Variants in ADAM10 observed in about 807,000 individuals in gnomAD.
ADAM10 encodes disintegrin and metalloproteinase domain-containing protein 10.
A neutral mutation model predicts 90.1 loss-of-function variants in ADAM10; 17 were observed. The observed-to-expected ratio is 0.19, with a 90% CI of 0.13 to 0.28. The LOEUF (loss-of-function observed/expected upper bound fraction) is 0.28. ADAM10 is among the 10% of genes least tolerant of loss of function. The pLI, the probability that ADAM10 is intolerant of heterozygous loss-of-function variation, is 1.00. For missense variants in ADAM10, 610 were observed against 914.3 expected, an observed-to-expected ratio of 0.67 and a Z score of 4.29; for synonymous variants, 310 against 298.6, an observed-to-expected ratio of 1.04 and a Z score of -0.40.
At chr15:58,653,503 T>C (rs1461494501) in intron 5 of ADAM10, among the ~76,000 whole-genome samples, 9 of 152,232 alleles carry the variant, frequency 5.9e-5, no homozygotes, top group African/African-American at 2.2e-4. Flanking sequence ...CATTCCATTA[T>C]GATGTATCAC....
chr15:58,621,878 T>C (rs986731153), intron 10 of ADAM10, among the ~76,000 whole-genome samples: 1 of 152,164 alleles, frequency 6.6e-6, no homozygotes, highest in Non-Finnish European at 1.5e-5. Flanking sequence ...TTCTAGAAGC[T>C]GTAACTTGCA....
chr15:58,602,624 G>GCA lies in ADAM10; in HGVS notation c.2026-2902_2026-2901dup, dbSNP rs201099184. ...GATATATACATACGTACATATATAT[G>GCA]CACACACACACATATTCATATATAT... On this transcript the variant is annotated intron_variant, in intron 14 of 15. Coordinates refer to ENST00000260408, the MANE Select transcript of ADAM10 (RefSeq NM_001110.4). 6.8e-3 allele frequency among the ~76,000 whole-genome samples: 1,036 copies of GCA among 152,010 alleles called. 14 individuals carry two copies. Among genetic ancestry groups the GCA allele is most frequent in the African/African-American group, 0.024 (989 of 41,432 alleles).
rs1455475572 is a variant in ADAM10 at position 58,714,505 on chromosome 15, A to T, written c.206+3072T>A. 2.0e-5 allele frequency among the ~76,000 whole-genome samples: 3 copies of T among 152,272 alleles called. No individual in the cohort carries two copies. In the South Asian group the frequency reaches 6.2e-4, roughly 32 times the overall value. On this transcript the variant is annotated intron_variant, in intron 2 of 15. Transcript: ENST00000260408. Reference sequence around the variant, plus strand: ...AGCCTATTATGTGAATAAAAAAAATAAACTCTACTTGATATTTTTTAAAGG... The same window carrying T: ...AGCCTATTATGTGAATAAAAAAAATTAACTCTACTTGATATTTTTTAAAGG...
intron 4 of ADAM10, among the ~76,000 whole-genome samples, chr15:58,674,947 TG>T (rs1897278132): frequency 2.0e-5 from 3 of 152,228 alleles, no homozygotes; most frequent in Admixed American, 1.3e-4. Context: ...CCCAACACTT[TG>T]GGAGGCCGAG....
At position 58,594,002 on chromosome 15, in the gene ADAM10, A is replaced by G. The variant is rs1188567459; in HGVS notation, c.*3545T>C. The G allele has an allele frequency of 6.6e-6, 1 of 152,250 alleles. No individual in the cohort carries two copies. The highest frequency in any genetic ancestry group is 1.9e-4 in the East Asian group (1 of 5,204). 9.4% of individuals were successfully genotyped at this position (152,250 alleles called of 1,614,324 possible). ...AGTTGTTTTTAATCAAGAACACAAC[A>G]TGAGAGATGCTGAAACTGAAGTTGT... On this transcript the variant is annotated 3_prime_UTR_variant, in exon 16 of 16. Transcript: ENST00000260408.
At chr15:58,644,482 G>A (rs1237765235) in intron 6 of ADAM10, among the ~76,000 whole-genome samples, 1 of 152,082 alleles carries the variant, frequency 6.6e-6, no homozygotes, top group Non-Finnish European at 1.5e-5. Context: ...ACCCACCTGG[G>A]CCTCCCAAAG....
At position 58,591,299 on chromosome 15, in the gene ADAM10, G is replaced by A. The variant is rs1894820099; in HGVS notation, c.*6248C>T. On this transcript the variant is annotated 3_prime_UTR_variant, in exon 16 of 16. Transcript: ENST00000260408. The stretch of plus-strand genomic sequence containing the variant: ...AGAATATAATTATGTTAGCTTGACT[G>A]GTTCAAGTTTAATTCCACTAAAACA... The A allele has an allele frequency of 6.6e-6, 1 of 152,082 alleles. No individual in the cohort carries two copies. 9.4% of individuals were successfully genotyped at this position (152,082 alleles called of 1,614,324 possible). A position where few individuals can be genotyped will look rare whatever the true frequency, so the allele number is the denominator to read the frequency against.
rs1384756710 is a variant in ADAM10, at chr15:58,727,761, A to T, written c.56-10034T>A. Among the ~76,000 whole-genome samples the T allele has an allele frequency of 3.3e-5, 5 of 152,242 alleles. No individual in the cohort carries two copies. In the East Asian group the frequency reaches 7.7e-4, roughly 23 times the overall value. On this transcript the variant is annotated intron_variant, in intron 1 of 15. Transcript: ENST00000260408. ...ATCCAAAGAAAGCTGGAGTGGCTAC[A>T]GTAATAGCTGAAAAAACAAACTTCA...
intron 14 of ADAM10, among the ~76,000 whole-genome samples, chr15:58,605,077 T>C (rs1269867976): frequency 2.0e-5 from 3 of 152,218 alleles, no homozygotes; most frequent in Non-Finnish European, 2.9e-5. Context: ...GTACACGCTA[T>C]GGCAGTAAGA....
intron 2 of ADAM10, chr15:58,692,727 T>C (rs777491673): frequency 5.8e-5 from 33 of 573,906 alleles, no homozygotes; most frequent in African/African-American, 4.9e-4. Flanking sequence ...CAGCAGAAGA[T>C]ACCCAGGAAT....
intron 5 of ADAM10, among the ~76,000 whole-genome samples, chr15:58,664,205 T>C (rs1444207188): frequency 6.6e-6 from 1 of 152,092 alleles, no homozygotes; most frequent in African/African-American, 2.4e-5. Flanking sequence ...CAAATACTTA[T>C]AAGGCTAGAT....
At chr15:58,662,043 G>GT (rs1896980819) in intron 5 of ADAM10, among the ~76,000 whole-genome samples, 1 of 151,852 alleles carries the variant, frequency 6.6e-6, no homozygotes, top group African/African-American at 2.4e-5. Context: ...CAGACGTTGT[G>GT]TTTCTATTTA....
chr15:58,597,884 TAATC>T (rs1413673032), intron 15 of ADAM10, among the ~76,000 whole-genome samples: 1 of 152,120 alleles, frequency 6.6e-6, no homozygotes, highest in Non-Finnish European at 1.5e-5. Flanking sequence ...TTTCAATATA[TAATC>T]AATACAAAAA....
At chr15:58,663,298 T>C (rs752495704) in intron 5 of ADAM10, among the ~76,000 whole-genome samples, 4 of 152,248 alleles carry the variant, frequency 2.6e-5, no homozygotes, top group Non-Finnish European at 4.4e-5. Context: ...CATTTTTTTC[T>C]GGATCCATTT....
rs367674848 is a variant in ADAM10 at position 58,740,487 on chromosome 15, A to G, written c.55+8993T>C. Among the ~76,000 whole-genome samples the G allele has an allele frequency of 6.7e-4, 102 of 152,106 alleles. 1 individual carries two copies. Among genetic ancestry groups the G allele is most frequent in the South Asian group, 2.9e-3 (14 of 4,828 alleles). On this transcript the variant is annotated intron_variant, in intron 1 of 15. Transcript: ENST00000260408. Reference sequence around the variant, plus strand: ...GTATAAACAGGAATGACATGATTTCATTTTTTACTACTTATACATATCTCA... The same window carrying G: ...GTATAAACAGGAATGACATGATTTCGTTTTTTACTACTTATACATATCTCA...
At chr15:58,705,435 G>C (rs1186619174) in intron 2 of ADAM10, among the ~76,000 whole-genome samples, 1 of 152,092 alleles carries the variant, frequency 6.6e-6, no homozygotes, top group African/African-American at 2.4e-5. Flanking sequence ...AGTTATAGGA[G>C]GACAAAATCA....
At chr15:58,623,871 T>G (rs535430669) in intron 10 of ADAM10, among the ~76,000 whole-genome samples, 19 of 151,884 alleles carry the variant, frequency 1.3e-4, no homozygotes, top group African/African-American at 4.3e-4. Context: ...CATGTGGGGC[T>G]TAAAACCTAG....
chr15:58,685,698 TC>T (rs1897580989), intron 2 of ADAM10, among the ~76,000 whole-genome samples: 1 of 151,254 alleles, frequency 6.6e-6, no homozygotes. Context: ...ACAATGGTTG[TC>T]CCCAAGAATG....
chr15:58,609,956 G>C lies in ADAM10; in HGVS notation c.2025+341C>G, dbSNP rs1231866140. The C allele has an allele frequency of 7.8e-5, 22 of 280,854 alleles. No homozygotes were observed. The East Asian group carries it at 1.8e-3, about 22-fold the overall frequency. 17.4% of individuals were successfully genotyped at this position (280,854 alleles called of 1,614,324 possible). ...ATTAGTCCACGATTTGGGCAAATAA[G>C]TTGTCTTGAAAAACAACAAAAAAAA... On this transcript the variant is annotated intron_variant, in intron 14 of 15. Transcript: ENST00000260408.
Sources: gnomAD v4.1 joint callset for allele counts (sites outside exome capture counted in the v4.1 genomes callset) on GRCh38, gnomAD v4.1.1 for gene constraint, MANE v1.5 for transcripts, NCBI Gene and HGNC (gene_info 2026-07-23, HGNC 2026-07-21) for gene names.